MYLK: variants seen among roughly 807,000 people sequenced by gnomAD.
MYLK encodes myosin light chain kinase, also known as myosin light chain kinase, smooth muscle.
A neutral mutation model predicts 203.4 loss-of-function variants in MYLK; 106 were observed. That is an observed-to-expected ratio of 0.52 (90% CI 0.45 to 0.61). The LOEUF (loss-of-function observed/expected upper bound fraction) is 0.61, where lower values mean the gene tolerates loss of function less well. Ranked by LOEUF, MYLK falls within the 20% of genes least tolerant of loss-of-function variation. The pLI, the probability that MYLK is intolerant of heterozygous loss-of-function variation, is 0.00. For synonymous variants in MYLK, 867 were observed against 959.5 expected (o/e 0.90, Z 1.78); for missense variants, 2,072 against 2,442.3 (o/e 0.85, Z 3.20).
intron 19 of MYLK, 26 bp from the exon 20 acceptor site, chr3:123,682,336 T>C (rs2060297311): frequency 6.5e-7 from 1 of 1,536,030 alleles, no homozygotes; most frequent in Non-Finnish European, 8.9e-7. Flanking sequence ...TAACAATAAA[T>C]GTTAGCAGCT....
At chr3:123,758,979 T>C (rs1356527783) in intron 4 of MYLK, among the ~76,000 whole-genome samples, 1 of 152,172 alleles carries the variant, frequency 6.6e-6, no homozygotes, top group Non-Finnish European at 1.5e-5. Context: ...CATATGCCAC[T>C]ATGCCCAGCT....
chr3:123,769,250 A>G (rs954804922), intron 4 of MYLK, among the ~76,000 whole-genome samples: 8 of 152,338 alleles, frequency 5.3e-5, no homozygotes, highest in Admixed American at 4.6e-4. Context: ...TGGTGCTATA[A>G]AAGTTTCAAC....
At position 123,718,673 on chromosome 3, in the gene MYLK, G is replaced by C. The variant is rs1204955926; in HGVS notation, c.1804+3455C>G. 5.3e-5 allele frequency among the ~76,000 whole-genome samples: 8 copies of C among 152,098 alleles called. 1 individual carries two copies. The South Asian group carries it at 1.7e-3, about 32-fold the overall frequency. ...TCTGAGGCTTCCTCACAGCACTAAA[G>C]ATACACCCTCTCACCCTCCTCGATT... On this transcript the variant is annotated intron_variant, in intron 13 of 33. Transcript: ENST00000360304.
At chr3:123,714,321 G>A (rs2061819841) in intron 13 of MYLK, among the ~76,000 whole-genome samples, 1 of 152,162 alleles carries the variant, frequency 6.6e-6, no homozygotes, top group Non-Finnish European at 1.5e-5. Flanking sequence ...GGGAGCAGAG[G>A]CAGGTCTCAA....
chr3:123,831,498 T>A, intron 3 of MYLK, 50 bp downstream of exon 3: 3 of 1,149,726 alleles, frequency 2.6e-6, no homozygotes, highest in Non-Finnish European at 2.3e-6. Context: ...CTCCCCAGGG[T>A]GGACTGAGGA....
At chr3:123,802,700 G>A (rs1577022512) in intron 3 of MYLK, among the ~76,000 whole-genome samples, 1 of 152,328 alleles carries the variant, frequency 6.6e-6, no homozygotes, top group South Asian at 2.1e-4. Flanking sequence ...TCTTCCTGCT[G>A]GAATTCTTGC....
intron 4 of MYLK, among the ~76,000 whole-genome samples, chr3:123,763,238 T>C (rs1399298815): frequency 2.0e-5 from 3 of 152,238 alleles, no homozygotes; most frequent in African/African-American, 7.2e-5. Flanking sequence ...TTCTCAGTAA[T>C]GGTCAAATGC....
At chr3:123,827,477 G>A (rs2066158445) in intron 3 of MYLK, among the ~76,000 whole-genome samples, 1 of 151,630 alleles carries the variant, frequency 6.6e-6, no homozygotes. Flanking sequence ...GAATCTTACA[G>A]GCCAGGAAAG....
At chr3:123,684,615 C>T (rs1235589555) in intron 19 of MYLK, among the ~76,000 whole-genome samples, 4 of 151,260 alleles carry the variant, frequency 2.6e-5, no homozygotes, top group Admixed American at 6.6e-5. Context: ...GACATGATCT[C>T]GGCTCACTGC....
rs1312460639 is a variant in MYLK at position 123,629,836 on chromosome 3, C to G, written c.4962-210G>C. 1.7e-6 allele frequency: 1 copy of G among 588,552 alleles called. No homozygotes were observed. Among genetic ancestry groups the G allele is most frequent in the Non-Finnish European group, 3.0e-6 (1 of 330,598 alleles). 36.5% of individuals were successfully genotyped at this position (588,552 alleles called of 1,614,324 possible). A position where few individuals can be genotyped will look rare whatever the true frequency, so the allele number is the denominator to read the frequency against. On this transcript the variant is annotated intron_variant, in intron 29 of 33. Transcript: ENST00000360304. The surrounding 1 kb of genome is among the most constrained non-coding windows in gnomAD (Gnocchi z 4.4). ...CTTTTCTTGGTCACCTGCCTCTTGACACCACCTACCTGTGAGGCTGAGGTG... is the reference window on the plus strand; with the variant it reads ...CTTTTCTTGGTCACCTGCCTCTTGAGACCACCTACCTGTGAGGCTGAGGTG...
At chr3:123,734,251 T>TGGGGGGG in intron 9 of MYLK, 29 bp from the exon 10 acceptor site, 1 of 448,434 alleles carries the variant, frequency 2.2e-6, no homozygotes, top group Non-Finnish European at 3.9e-6. Context: ...GGGGGTAGGG[T>TGGGGGGG]GGGTGAGGAG....
chr3:123,726,144 C>T (rs2062274612), intron 11 of MYLK, 66 bp from the exon 12 acceptor site: 1 of 1,602,344 alleles, frequency 6.2e-7, no homozygotes, highest in Non-Finnish European at 8.5e-7. Flanking sequence ...CCTGCAGTCA[C>T]CCCAGCCTCC....
intron 4 of MYLK, among the ~76,000 whole-genome samples, chr3:123,778,050 C>T (rs940393618): frequency 6.6e-6 from 1 of 152,154 alleles, no homozygotes; most frequent in Non-Finnish European, 1.5e-5. Context: ...TTTCCCTTCT[C>T]TATTCTGACT....
At chr3:123,820,042 A>G (rs1276573024) in intron 3 of MYLK, among the ~76,000 whole-genome samples, 2 of 152,172 alleles carry the variant, frequency 1.3e-5, no homozygotes, top group East Asian at 3.9e-4. Flanking sequence ...AAGTTCTACC[A>G]GCATCCTAGG....
Position 123,652,781 on chromosome 3 carries a change from T to C in MYLK, c.4289-3587A>G, listed in dbSNP as rs1280180119. Among the ~76,000 whole-genome samples, 3 of 152,178 alleles carry C rather than the reference T, an allele frequency of 2.0e-5. No individual in the cohort carries two copies. In the East Asian group the frequency reaches 5.8e-4, roughly 29 times the overall value. ...TTGAGGAGGAGTACAGTTCAAGACC[T>C]GGCTGGGCTGGGAGGGAGCGGGGCT... On this transcript the variant is annotated intron_variant, in intron 24 of 33. Coordinates refer to ENST00000360304, the MANE Select transcript of MYLK (RefSeq NM_053025.4).
intron 4 of MYLK, among the ~76,000 whole-genome samples, chr3:123,753,247 AAGT>A (rs1310176453): frequency 5.3e-5 from 8 of 152,346 alleles, no homozygotes; most frequent in African/African-American, 1.4e-4. Flanking sequence ...AGATGTTGAA[AAGT>A]AGTATTTTTG....
intron 29 of MYLK, among the ~76,000 whole-genome samples, chr3:123,635,065 T>C (rs2058588227): frequency 6.6e-6 from 1 of 152,196 alleles, no homozygotes; most frequent in Non-Finnish European, 1.5e-5. Context: ...CATCGTCCTA[T>C]GGTGACACGG....
At chr3:123,701,358 G>T in intron 17 of MYLK, 80 bp downstream of exon 17, 2 of 1,436,326 alleles carry the variant, frequency 1.4e-6, no homozygotes, top group Non-Finnish European at 2.0e-6. Context: ...ATCTAGGGCT[G>T]CTGGGCTGGA....
rs888534591 is a variant in MYLK, at chr3:123,798,421, G to A, written c.-3-4577C>T. Among the ~76,000 whole-genome samples, 44 of 152,264 alleles carry A rather than the reference G, an allele frequency of 2.9e-4. 1 individual carries two copies. The highest frequency in any genetic ancestry group is 1.1e-3 in the African/African-American group (44 of 41,530). ...TTCTGCTGTCAGGCCTGGCTTTGAA[G>A]ACACAAGACTCTTCTCTACCTTTGC... On this transcript the variant is annotated intron_variant, in intron 3 of 33. Coordinates refer to ENST00000360304, the MANE Select transcript of MYLK (RefSeq NM_053025.4).
Sources: allele counts gnomAD v4.1 joint callset (sites outside exome capture counted in the v4.1 genomes callset), GRCh38; gene constraint gnomAD v4.1.1; non-coding constraint Gnocchi (gnomAD v3.1); transcripts MANE v1.5; gene names NCBI Gene and HGNC (gene_info 2026-07-23, HGNC 2026-07-21).